Variants in USP9X observed in about 807,000 individuals in gnomAD.
USP9X encodes the protein ubiquitin carboxyl-terminal hydrolase 9X.
Under a neutral mutation model 190.3 loss-of-function variants are expected in USP9X, and 7 were observed. That is an observed-to-expected ratio of 0.04 (90% CI 0.02 to 0.07). The LOEUF (loss-of-function observed/expected upper bound fraction) is 0.07, where lower values mean the gene tolerates loss of function less well. Among genes scored for constraint, USP9X ranks in the 10% least tolerant of loss-of-function variants. The probability of loss-of-function intolerance (pLI) is 1.00; values close to 1 mark genes in which losing one functional copy is unlikely to be tolerated. For synonymous variants in USP9X, 645 were observed against 659.5 expected (o/e 0.98, Z 0.34); for missense variants, 1,010 against 1,916.9 (o/e 0.53, Z 8.83).
chrX:41,124,911 T>C (rs2062223297), intron 2 of USP9X, among the ~76,000 whole-genome samples: 2 of 112,084 alleles, frequency 1.8e-5, no homozygotes, highest in Admixed American at 1.9e-4. Context: ...ACATAGATTT[T>C]GGTATTAAGG....
At chrX:41,213,407 T>C (rs1309981807) in intron 33 of USP9X, among the ~76,000 whole-genome samples, 1 of 112,299 alleles carries the variant, frequency 8.9e-6, no homozygotes, top group African/African-American at 3.2e-5. Flanking sequence ...GTTACAAGAT[T>C]TTGCCCAACT....
rs2063299838 is a variant in USP9X, at chrX:41,224,969, G to A, written c.6972+7G>A. 1 of 1,208,728 alleles carries A rather than the reference G, an allele frequency of 8.3e-7. No homozygotes were observed. Among genetic ancestry groups the A allele is most frequent in the African/African-American group, 1.7e-5 (1 of 57,394 alleles). ...CAGTGAACTTCTCTGGCAGGTAAAA[G>A]GAAAATAACATTTGTATGTTTATAA... On this transcript the variant is annotated splice_region_variant and intron_variant, in intron 40 of 44. Transcript: ENST00000378308.
chrX:41,193,399 A>G, intron 26 of USP9X, among the ~76,000 whole-genome samples: 1 of 111,996 alleles, frequency 8.9e-6, no homozygotes, highest in Middle Eastern at 4.6e-3. Flanking sequence ...GTGGTGGCTC[A>G]TGGTTGTAAT....
rs767930307 is a variant in USP9X, at chrX:41,105,402, T to C, written c.-158-18069T>C. Among the ~76,000 whole-genome samples, 27 of 112,228 alleles carry C rather than the reference T, an allele frequency of 2.4e-4. No individual in the cohort carries two copies. The South Asian group carries it at 1.0e-2, about 42-fold the overall frequency. Reference sequence around the variant, plus strand: ...GTACCTCATAAGTGGAATCATAAAATATTTGTCCTTTTGTGACCGCTTTAT... The same window carrying C: ...GTACCTCATAAGTGGAATCATAAAACATTTGTCCTTTTGTGACCGCTTTAT... On this transcript the variant is annotated intron_variant, in intron 1 of 44. Coordinates refer to ENST00000378308, the MANE Select transcript of USP9X (RefSeq NM_001039591.3).
chrX:41,142,819 T>C (rs966269616), intron 9 of USP9X, among the ~76,000 whole-genome samples: 25 of 112,306 alleles, frequency 2.2e-4, no homozygotes, highest in African/African-American at 7.4e-4. Flanking sequence ...AATAGAATAA[T>C]GTATCTCTTA....
chrX:41,170,272 C>G lies in USP9X; in HGVS notation c.2877+37C>G, dbSNP rs748440126. 3.4e-6 allele frequency: 4 copies of G among 1,172,046 alleles called. No homozygotes were observed. The Admixed American group carries it at 6.9e-5, about 20-fold the overall frequency. On this transcript the variant is annotated intron_variant, in intron 19 of 44. Transcript: ENST00000378308. ...TAGTTAACAGATTTTTCAATAAAAT[C>G]AAACCAGAGACTATCGTTTAATCAG...
intron 1 of USP9X, among the ~76,000 whole-genome samples, chrX:41,122,609 A>G (rs1192204742): frequency 4.5e-5 from 5 of 111,795 alleles, no homozygotes; most frequent in South Asian, 3.7e-4. Flanking sequence ...GAGTGTTACA[A>G]TGCTCCTTTA....
Position 41,205,498 on chromosome X carries a change from A to G in USP9X, c.5015+5A>G. 1.7e-6 allele frequency: 2 copies of G among 1,198,573 alleles called. No homozygotes were observed. The highest frequency in any genetic ancestry group is 3.6e-5 in the South Asian group (2 of 55,328). ...AGGATTTTGGAAACAGTTCAGGTAAACTATGGATGGACAGTAATAGAGATA... is the reference window on the plus strand; with the variant it reads ...AGGATTTTGGAAACAGTTCAGGTAAGCTATGGATGGACAGTAATAGAGATA... On this transcript the variant is annotated splice_donor_5th_base_variant and intron_variant, in intron 32 of 44. Coordinates refer to ENST00000378308, the MANE Select transcript of USP9X (RefSeq NM_001039591.3).
intron 1 of USP9X, among the ~76,000 whole-genome samples, chrX:41,089,972 C>T (rs1452047730): frequency 3.5e-5 from 3 of 86,467 alleles, no homozygotes; most frequent in African/African-American, 1.4e-4. Context: ...GGAGTGGTCA[C>T]GGTTCACTGC....
At chrX:41,187,813 G>A (rs1256805683) in intron 24 of USP9X, among the ~76,000 whole-genome samples, 179 bp from the exon 25 acceptor site, 1 of 109,173 alleles carries the variant, frequency 9.2e-6, no homozygotes, top group African/African-American at 3.4e-5. Context: ...AGAGCCAGAG[G>A]GCCCTCCGCC....
Position 41,123,430 on chromosome X carries a change from T to A in USP9X, c.-158-41T>A, listed in dbSNP as rs1332836938. 7.4e-6 allele frequency: 3 copies of A among 405,618 alleles called. No individual in the cohort carries two copies. In the East Asian group the frequency reaches 1.3e-4, roughly 17 times the overall value. 33.4% of individuals were successfully genotyped at this position (405,618 alleles called of 1,213,427 possible). A position where few individuals can be genotyped will look rare whatever the true frequency, so the allele number is the denominator to read the frequency against. On this transcript the variant is annotated intron_variant, in intron 1 of 44. Coordinates refer to ENST00000378308, the MANE Select transcript of USP9X (RefSeq NM_001039591.3). ...GAACAGTTCCATAATTCATGTTTTT[T>A]ATATCTAAAACCAATTACTTTTTCC...
At chrX:41,167,458 A>G (rs1182569668) in intron 16 of USP9X, 24 bp from the exon 17 acceptor site, 3 of 1,156,607 alleles carry the variant, frequency 2.6e-6, no homozygotes, top group South Asian at 1.9e-5. Context: ...AAAGGGATGA[A>G]TACTTTTATC....
intron 14 of USP9X, among the ~76,000 whole-genome samples, chrX:41,156,466 C>A (rs901652583): frequency 8.9e-6 from 1 of 111,978 alleles, no homozygotes; most frequent in African/African-American, 3.3e-5. Context: ...AACTGAGACT[C>A]CCTTACCCCA....
In USP9X at chrX:41,191,261, G is replaced by A. The variant is rs536172895; in HGVS notation, c.3977+1786G>A. ...GGAGAATTGCTTGAACCCGGAAGGC[G>A]GATGTTGCAGTGAGCTGAGATCGCG... On this transcript the variant is annotated intron_variant, in intron 26 of 44. Transcript: ENST00000378308. Among the ~76,000 whole-genome samples the A allele has an allele frequency of 2.8e-5, 3 of 107,289 alleles. No individual in the cohort carries two copies. In the South Asian group the frequency reaches 1.3e-3, roughly 45 times the overall value. 93.2% of individuals were successfully genotyped at this position (107,289 alleles called of 115,157 possible).
At chrX:41,109,020 G>A (rs2062089821) in intron 1 of USP9X, among the ~76,000 whole-genome samples, 1 of 111,554 alleles carries the variant, frequency 9.0e-6, no homozygotes, top group African/African-American at 3.3e-5. Context: ...CCATCAACTG[G>A]GAGCTGGGTC....
chrX:41,190,035 C>T (rs1009768246), intron 26 of USP9X: 3 of 111,731 alleles, frequency 2.7e-5, no homozygotes, highest in Non-Finnish European at 5.6e-5. Context: ...TCAGTCTGAT[C>T]CTGATCTTCG....
At chrX:41,181,435 CT>C (rs200403625) in intron 21 of USP9X, among the ~76,000 whole-genome samples, 81 of 38,513 alleles carry the variant, frequency 2.1e-3, no homozygotes, top group African/African-American at 6.4e-3. Context: ...CCACACCTGA[CT>C]TTTTTTTTTT....
chrX:41,167,322 G>A (rs1017028725), intron 16 of USP9X, 160 bp from the exon 17 acceptor site: 2 of 374,306 alleles, frequency 5.3e-6, no homozygotes, highest in Non-Finnish European at 9.4e-6. Context: ...CCTTTCTTTT[G>A]GTCTGTGCTT....
intron 41 of USP9X, among the ~76,000 whole-genome samples, chrX:41,226,527 A>G (rs1436021954): frequency 8.9e-6 from 1 of 112,398 alleles, no homozygotes; most frequent in Non-Finnish European, 1.9e-5. Flanking sequence ...TGTAACAACA[A>G]AATGCTTAAA....
Sources: gnomAD v4.1 joint callset for allele counts (sites outside exome capture counted in the v4.1 genomes callset) on GRCh38, gnomAD v4.1.1 for gene constraint, MANE v1.5 for transcripts, NCBI Gene and HGNC (gene_info 2026-07-23, HGNC 2026-07-21) for gene names.